The following ZNF354A variants were observed in gnomAD, a reference collection of about 807,000 sequenced individuals.
ZNF354A encodes zinc finger protein 354A, also known as epididymis luminal protein 104.
A neutral mutation model predicts 53.3 loss-of-function variants in ZNF354A; 25 were observed. The ratio of observed to expected loss-of-function variants is 0.47; its 90% CI spans 0.34 to 0.66. The LOEUF (loss-of-function observed/expected upper bound fraction) is 0.66, where lower values mean the gene tolerates loss of function less well. ZNF354A is among the 30% of genes least tolerant of loss of function. ZNF354A has a pLI of 0.01. For missense variants in ZNF354A, 586 were observed against 716.8 expected, an observed-to-expected ratio of 0.82 and a Z score of 2.08; for synonymous variants, 228 against 249.0, an observed-to-expected ratio of 0.92 and a Z score of 0.79.
Position 178,712,542 on chromosome 5 carries a change from C to T in ZNF354A, c.1336G>A (p.Ala446Thr). The change falls in exon 5 of 5, where the codon GCC becomes ACC. Residue 446 changes from alanine to threonine, a missense_variant. This residue lies in a region of ZNF354A where 573 missense variants were observed against 680.1 expected (regional missense o/e 0.84). Coordinates refer to ENST00000335815, the MANE Select transcript of ZNF354A (RefSeq NM_005649.3). ...ATAAGTGTTGAGTGGGAGCTTAAGG[C>T]TTTACCACATTCATTACAATTATAA... The part of the protein sequence containing the change: ...KFYNCNECGK[A>T]LSSHSTLIIH... 1 of 1,614,120 alleles carries T rather than the reference C, an allele frequency of 6.2e-7. No individual in the cohort carries two copies. The highest frequency in any genetic ancestry group is 8.5e-7 in the Non-Finnish European group (1 of 1,180,010).
chr5:178,727,593 T>C (rs768355618), intron 2 of ZNF354A, among the ~76,000 whole-genome samples: 314 of 152,340 alleles, frequency 2.1e-3, no homozygotes, highest in Non-Finnish European at 2.1e-3. Context: ...TCTATGTGCT[T>C]ACTCAAGCTT....
chr5:178,712,353 G>C lies in ZNF354A; in HGVS notation c.1525C>G (p.Leu509Val). The C allele has an allele frequency of 6.2e-7, 1 of 1,614,092 alleles. No individual in the cohort carries two copies. The highest frequency in any genetic ancestry group is 8.5e-7 in the Non-Finnish European group (1 of 1,179,972). The change falls in exon 5 of 5, where the codon CTT becomes GTT. Residue 509 changes from leucine (L) to valine (V), a missense_variant. Coordinates refer to ENST00000335815, the MANE Select transcript of ZNF354A (RefSeq NM_005649.3). ...GTATGAATTCTCTGGTGATTACTAA[G>C]TGATGAGTTACACCTGAATGTTTTC... ...CGKTFRCNSS[L>V]SNHQRIHTGE...
At chr5:178,730,342 G>A (rs1209285049) in intron 1 of ZNF354A, among the ~76,000 whole-genome samples, 1 of 152,106 alleles carries the variant, frequency 6.6e-6, no homozygotes, top group African/African-American at 2.4e-5. Flanking sequence ...GAAACGCCAG[G>A]CCCGGCGTCC....
chr5:178,727,654 C>G (rs183180732), intron 2 of ZNF354A, among the ~76,000 whole-genome samples: 1 of 152,314 alleles, frequency 6.6e-6, no homozygotes, highest in African/African-American at 2.4e-5. Flanking sequence ...TGAAGGCTTT[C>G]TATGGGCCAA....
chr5:178,715,982 C>T (rs1444125696), intron 4 of ZNF354A, among the ~76,000 whole-genome samples: 1 of 151,892 alleles, frequency 6.6e-6, no homozygotes, highest in African/African-American at 2.4e-5. Flanking sequence ...CTGCAACCTC[C>T]CCCTCCCAGG....
rs780693912 is a variant in ZNF354A, at chr5:178,713,113, T to A, written c.765A>T (p.Ser255=). The A allele has an allele frequency of 6.2e-7, 1 of 1,614,000 alleles. No homozygotes were observed. Among genetic ancestry groups the A allele is most frequent in the Non-Finnish European group, 8.5e-7 (1 of 1,179,896 alleles). Reference sequence around the variant, plus strand: ...GCGTTATTTGATGTTGAATAAGAGCTGAACTTTGGCTAAAGGCTTTTGAAC... The same window carrying A: ...GCGTTATTTGATGTTGAATAAGAGCAGAACTTTGGCTAAAGGCTTTTGAAC... ...KECSKAFSQS[S]ALIQHQITHT... is the part of the protein sequence containing the mutation. The change falls in exon 5 of 5, where the codon TCA becomes TCT. Residue 255 remains serine, a synonymous_variant. Coordinates refer to ENST00000335815, the MANE Select transcript of ZNF354A (RefSeq NM_005649.3).
chr5:178,716,212 A>G (rs1765710484), intron 4 of ZNF354A, among the ~76,000 whole-genome samples: 1 of 152,078 alleles, frequency 6.6e-6, no homozygotes, highest in African/African-American at 2.4e-5. Context: ...TCTAAGATCA[A>G]TATTTTACTA....
At position 178,728,715 on chromosome 5, in the gene ZNF354A, T is replaced by A. The variant is rs1170163889; in HGVS notation, c.33+275A>T. Among the ~76,000 whole-genome samples, 6 of 142,128 alleles carry A rather than the reference T, an allele frequency of 4.2e-5. No individual in the cohort carries two copies. In the Admixed American group the frequency reaches 4.5e-4, roughly 11 times the overall value. 93.2% of individuals were successfully genotyped at this position (142,128 alleles called of 152,430 possible). A position where few individuals can be genotyped will look rare whatever the true frequency, so the allele number is the denominator to read the frequency against. On this transcript the variant is annotated intron_variant, in intron 2 of 4. Transcript: ENST00000335815. ...GGGAGGCTGAGGCAGGAGAATTGCT[T>A]CAACCTGGGAGGCAGAGGTTGCAGC...
intron 4 of ZNF354A, among the ~76,000 whole-genome samples, chr5:178,716,140 C>T (rs1035749480): frequency 6.6e-6 from 1 of 152,070 alleles, no homozygotes; most frequent in Non-Finnish European, 1.5e-5. Flanking sequence ...CATGTTCCGC[C>T]CACCTCAGCC....
Position 178,724,558 on chromosome 5 carries a change from G to C in ZNF354A, c.256+818C>G, listed in dbSNP as rs529195533. Among the ~76,000 whole-genome samples, 315 of 152,256 alleles carry C rather than the reference G, an allele frequency of 2.1e-3. 3 individuals are homozygous for C. Among genetic ancestry groups the C allele is most frequent in the South Asian group, 9.3e-3 (45 of 4,830 alleles). On this transcript the variant is annotated intron_variant, in intron 4 of 4. Coordinates refer to ENST00000335815, the MANE Select transcript of ZNF354A (RefSeq NM_005649.3). ...CACTTTCAAACACGATGCTTCCAAA[G>C]TGACCATTCTTGTGAATTCAAATCA...
At chr5:178,723,038 G>A (rs1464064541) in intron 4 of ZNF354A, among the ~76,000 whole-genome samples, 1 of 152,224 alleles carries the variant, frequency 6.6e-6, no homozygotes, top group Non-Finnish European at 1.5e-5. Context: ...GGGCGGCCAA[G>A]GGTGATCAGA....
chr5:178,713,358 G>A lies in ZNF354A; in HGVS notation c.520C>T (p.Leu174Phe), dbSNP rs146941883. 1.9e-5 allele frequency: 31 copies of A among 1,613,980 alleles called. No individual in the cohort carries two copies. The highest frequency in any genetic ancestry group is 2.5e-5 in the Non-Finnish European group (30 of 1,180,034). ...CTGGGAAGTATCTGTTGCCTAATAA[G>A]CACTGACTTTGGGCTGAAGTTTTGG... ...LSQNFSPKSV[L>F]IRQQILPREK... is the part of the protein sequence containing the mutation. Residue 174 changes from leucine (L) to phenylalanine (F), a missense_variant, in exon 5 of 5, where the codon CTT becomes TTT. Physicochemically the swap from Leu to Phe is conservative, Grantham distance 22 (BLOSUM62 0). Coordinates refer to ENST00000335815, the MANE Select transcript of ZNF354A (RefSeq NM_005649.3).
chr5:178,726,637 G>GA (rs1765914195), intron 3 of ZNF354A, among the ~76,000 whole-genome samples: 1 of 151,982 alleles, frequency 6.6e-6, no homozygotes, highest in Non-Finnish European at 1.5e-5. Context: ...CTAATCCCTG[G>GA]AAAAGACAAG....
intron 4 of ZNF354A, among the ~76,000 whole-genome samples, chr5:178,724,032 C>G (rs1765859571): frequency 6.6e-6 from 1 of 152,068 alleles, no homozygotes. Context: ...CACTTACACA[C>G]CTGCCCACCA....
chr5:178,716,254 A>AT (rs1765711412), intron 4 of ZNF354A, among the ~76,000 whole-genome samples: 1 of 152,046 alleles, frequency 6.6e-6, no homozygotes, highest in Non-Finnish European at 1.5e-5. Flanking sequence ...CCTCCAATAG[A>AT]TTTTCAATGA....
At chr5:178,726,737 A>C (rs11750409) in intron 3 of ZNF354A, among the ~76,000 whole-genome samples, 36,698 of 152,064 alleles carry the variant, frequency 0.24, 5,159 homozygotes, top group South Asian at 0.35. Context: ...ACGATGCCTG[A>C]ATCATGGACA....
Position 178,712,443 on chromosome 5 carries a change from A to G in ZNF354A, c.1435T>C (p.Ser479Pro). Residue 479 changes from serine to proline, a missense_variant, in exon 5 of 5, where the codon TCA becomes CCA. By Grantham distance (74) the Ser-to-Pro change is moderately conservative. This residue lies in a region of ZNF354A where 573 missense variants were observed against 680.1 expected (regional missense o/e 0.84). Transcript: ENST00000335815. ...KVCGKAFRQSSALIQHQRMHT... is the reference protein window; with the variant it reads ...KVCGKAFRQSPALIQHQRMHT... ...ATTCTCTGATGTTGAATGAGAGCTG[A>G]ACTCTGTCTGAAGGCTTTTCCACAT... The G allele has an allele frequency of 1.2e-6, 2 of 1,613,952 alleles. No homozygotes were observed. The highest frequency in any genetic ancestry group is 1.7e-6 in the Non-Finnish European group (2 of 1,179,884).
chr5:178,715,255 C>A (rs1360861466), intron 4 of ZNF354A, among the ~76,000 whole-genome samples: 2 of 152,230 alleles, frequency 1.3e-5, no homozygotes, highest in Non-Finnish European at 2.9e-5. Flanking sequence ...ATGACAGTCA[C>A]TTTCACACAT....
In ZNF354A at chr5:178,713,377, GT is replaced by G; in HGVS notation, c.500del (p.Asn167ThrfsTer96). On this transcript the variant is annotated frameshift_variant, in exon 5 of 5. Transcript: ENST00000335815. LOFTEE classifies it high-confidence loss of function. ...TAATAAGCACTGACTTTGGGCTGAA[GT>G]TTTGGCTCAATTCAGTATTTTTATG... ...RSHKNTELSQNFSPKSVLIRQ... is the reference protein window; with the variant it reads ...RSHKNTELSQXFSPKSVLIRQ... 1.9e-6 allele frequency: 3 copies of G among 1,614,090 alleles called. No individual in the cohort carries two copies. The highest frequency in any genetic ancestry group is 2.5e-6 in the Non-Finnish European group (3 of 1,179,998).
Sources: gnomAD v4.1 joint callset for allele counts (sites outside exome capture counted in the v4.1 genomes callset) on GRCh38, gnomAD v4.1.1 for gene constraint, gnomAD v4.1.1 regional missense constraint, MANE v1.5 for transcripts, NCBI Gene and HGNC (gene_info 2026-07-23, HGNC 2026-07-21) for gene names.